Variants in ST3GAL1 observed in about 807,000 individuals in gnomAD.
ST3GAL1 encodes ST3 beta-galactoside alpha-2,3-sialyltransferase 1.
In ST3GAL1, 16 loss-of-function variants were observed where a neutral mutation model predicts 34.1. The observed-to-expected ratio is 0.47, with a 90% CI of 0.32 to 0.71. The LOEUF is 0.71. Ranked by LOEUF, ST3GAL1 falls within the 30% of genes least tolerant of loss-of-function variation. ST3GAL1 has a pLI of 0.04. For synonymous variants in ST3GAL1, 191 were observed against 184.7 expected, an observed-to-expected ratio of 1.03 and a Z score of -0.28; for missense variants, 353 against 447.4, an observed-to-expected ratio of 0.79 and a Z score of 1.90.
At chr8:133,528,002 C>T (rs796395234) in intron 2 of ST3GAL1, among the ~76,000 whole-genome samples, 207 of 141,788 alleles carry the variant, frequency 1.5e-3, no homozygotes, top group African/African-American at 5.1e-3. Context: ...GAAACCTCAT[C>T]TCTACTGAAA....
In ST3GAL1 at chr8:133,473,255, T is replaced by A. The variant is rs566307609; in HGVS notation, c.306+2464A>T. Among the ~76,000 whole-genome samples, 5 of 152,344 alleles carry A rather than the reference T, an allele frequency of 3.3e-5. No individual in the cohort carries two copies. The South Asian group carries it at 1.0e-3, about 32-fold the overall frequency. On this transcript the variant is annotated intron_variant, in intron 5 of 9. Coordinates refer to ENST00000522652, the MANE Select transcript of ST3GAL1 (RefSeq NM_173344.3). ...AGAAAGATCGATACTGTCTTGGTGATACTCTCTAATAACAGTTTTTAATAC... is the reference window on the plus strand; with the variant it reads ...AGAAAGATCGATACTGTCTTGGTGAAACTCTCTAATAACAGTTTTTAATAC...
intron 2 of ST3GAL1, among the ~76,000 whole-genome samples, chr8:133,524,967 C>T (rs1817922315): frequency 6.6e-6 from 1 of 152,272 alleles, no homozygotes; most frequent in African/African-American, 2.4e-5. Context: ...CACAGCTCTT[C>T]TCTCCTTCTT....
chr8:133,529,299 C>T (rs2945779), intron 2 of ST3GAL1, among the ~76,000 whole-genome samples: 55,702 of 152,138 alleles, frequency 0.37, 10,611 homozygotes, highest in Middle Eastern at 0.48. Context: ...AGACAGAAAG[C>T]GGGCCAGAGA....
Position 133,459,848 on chromosome 8 carries a change from C to G in ST3GAL1, c.939G>C (p.Thr313=). The G allele has an allele frequency of 6.2e-7, 1 of 1,614,146 alleles. No homozygotes were observed. Among genetic ancestry groups the G allele is most frequent in the Non-Finnish European group, 8.5e-7 (1 of 1,180,012 alleles). The part of the protein sequence containing the change: ...NNPSAGAFRK[T]GVHDADFESN... ...ACTCAAAGTCTGCATCGTGCACCCC[C>G]GTCTTGCGAAAAGCCCCCGCGGATG... is the stretch of plus-strand genomic sequence containing the variant. Residue 313 remains threonine, a synonymous_variant, in exon 10 of 10, where the codon ACG becomes ACC. Coordinates refer to ENST00000522652, the MANE Select transcript of ST3GAL1 (RefSeq NM_173344.3). The surrounding 1 kb of genome is among the most constrained non-coding windows in gnomAD (Gnocchi z 4.7).
chr8:133,530,010 C>T (rs945821356), intron 2 of ST3GAL1, among the ~76,000 whole-genome samples: 41 of 152,206 alleles, frequency 2.7e-4, no homozygotes, highest in African/African-American at 9.9e-4. Context: ...TAGAAGTCTC[C>T]TTGACTGAAC....
In ST3GAL1 at chr8:133,571,052, C is replaced by T. The variant is rs1819552326; in HGVS notation, c.-582+641G>A. Among the ~76,000 whole-genome samples, 1 of 152,346 alleles carries T rather than the reference C, an allele frequency of 6.6e-6. No individual in the cohort carries two copies. On this transcript the variant is annotated intron_variant, in intron 1 of 9. Coordinates refer to ENST00000522652, the MANE Select transcript of ST3GAL1 (RefSeq NM_173344.3). The surrounding 1 kb of genome is among the most constrained non-coding windows in gnomAD (Gnocchi z 6.7). ...CTCTTGTCCCGGGTGTCAACTTCAC[C>T]CCCAGATCCGGAGCAGCGCGCTCTG...
chr8:133,544,075 GTC>G (rs1313070883), intron 2 of ST3GAL1: 1 of 152,224 alleles, frequency 6.6e-6, no homozygotes, highest in African/African-American at 2.4e-5. Context: ...CATCAGTGGA[GTC>G]TCTGCTTTGT....
At chr8:133,515,151 C>T (rs1191509688) in intron 2 of ST3GAL1, among the ~76,000 whole-genome samples, 7 of 152,198 alleles carry the variant, frequency 4.6e-5, no homozygotes, top group South Asian at 2.1e-4. Context: ...GGCCTGCCTC[C>T]GAGGACGAGG....
chr8:133,464,089 G>A (rs966096345), intron 7 of ST3GAL1, among the ~76,000 whole-genome samples: 1 of 152,148 alleles, frequency 6.6e-6, no homozygotes, highest in Non-Finnish European at 1.5e-5. Context: ...GACAGCTTGT[G>A]GAAACCTGGA....
intron 2 of ST3GAL1, among the ~76,000 whole-genome samples, chr8:133,515,931 C>A (rs1817632997): frequency 6.6e-6 from 1 of 152,130 alleles, no homozygotes; most frequent in Non-Finnish European, 1.5e-5. Flanking sequence ...TCTCGGCTCA[C>A]TGCAACCTCC....
intron 3 of ST3GAL1, among the ~76,000 whole-genome samples, chr8:133,480,722 C>T (rs1489915606): frequency 6.6e-6 from 1 of 150,874 alleles, no homozygotes; most frequent in East Asian, 1.9e-4. Context: ...CTCCTGCCTT[C>T]TCCTGTGGCT....
At chr8:133,526,281 A>ATTATTCT (rs1817972962) in intron 2 of ST3GAL1, among the ~76,000 whole-genome samples, 1 of 152,142 alleles carries the variant, frequency 6.6e-6, no homozygotes, top group Non-Finnish European at 1.5e-5. Context: ...ACCCTCTGCT[A>ATTATTCT]TTATTCTACC....
At chr8:133,524,800 C>A (rs1586640770) in intron 2 of ST3GAL1, among the ~76,000 whole-genome samples, 1 of 152,252 alleles carries the variant, frequency 6.6e-6, no homozygotes, top group African/African-American at 2.4e-5. Flanking sequence ...GATGAAGAAG[C>A]AAGACAGCTG....
At chr8:133,532,127 AT>A (rs1336326024) in intron 2 of ST3GAL1, among the ~76,000 whole-genome samples, 1 of 152,088 alleles carries the variant, frequency 6.6e-6, no homozygotes, top group Non-Finnish European at 1.5e-5. Flanking sequence ...CACTCTTCTA[AT>A]TTTGTTGTTG....
intron 3 of ST3GAL1, among the ~76,000 whole-genome samples, chr8:133,495,317 T>C (rs902199029): frequency 6.6e-6 from 1 of 152,168 alleles, no homozygotes; most frequent in African/African-American, 2.4e-5. Context: ...ACTCAAGGGC[T>C]TTCTTAGTTC....
In ST3GAL1 at chr8:133,469,444, C is replaced by T. The variant is rs954917531; in HGVS notation, c.307-3354G>A. 6.6e-6 allele frequency among the ~76,000 whole-genome samples: 1 copy of T among 152,064 alleles called. No homozygotes were observed. Among genetic ancestry groups the T allele is most frequent in the African/African-American group, 2.4e-5 (1 of 41,410 alleles). On this transcript the variant is annotated intron_variant, in intron 5 of 9. Transcript: ENST00000522652. The surrounding 1 kb of genome is among the most constrained non-coding windows in gnomAD (Gnocchi z 4.3). ...ATGTTGGCCAGGCTGGTCTCGAACT[C>T]CTGACCTCAGGTGATGAACCCGCCT...
intron 2 of ST3GAL1, chr8:133,516,389 T>A (rs954709443): frequency 6.6e-6 from 1 of 152,164 alleles, no homozygotes; most frequent in Non-Finnish European, 1.5e-5. Context: ...GTGAGCCAAA[T>A]AAACTTCACT....
Position 133,470,148 on chromosome 8 carries a change from G to A in ST3GAL1, c.307-4058C>T, listed in dbSNP as rs566731992. Among the ~76,000 whole-genome samples the A allele has an allele frequency of 6.6e-5, 10 of 152,284 alleles. No individual in the cohort carries two copies. The South Asian group carries it at 1.0e-3, about 16-fold the overall frequency. On this transcript the variant is annotated intron_variant, in intron 5 of 9. Coordinates refer to ENST00000522652, the MANE Select transcript of ST3GAL1 (RefSeq NM_173344.3). Reference sequence around the variant, plus strand: ...AAGAACAACAGTGCTGGCCAGGTGCGGTGGCTCACGCCTGTAATCCCAACA... The same window carrying A: ...AAGAACAACAGTGCTGGCCAGGTGCAGTGGCTCACGCCTGTAATCCCAACA...
intron 2 of ST3GAL1, among the ~76,000 whole-genome samples, chr8:133,505,354 A>G (rs1395686102): frequency 6.6e-6 from 1 of 152,116 alleles, no homozygotes; most frequent in Non-Finnish European, 1.5e-5. Context: ...ATAATAAAAG[A>G]TTGTGGTTCC....
Sources: allele counts gnomAD v4.1 joint callset (sites outside exome capture counted in the v4.1 genomes callset), GRCh38; gene constraint gnomAD v4.1.1; non-coding constraint Gnocchi (gnomAD v3.1); transcripts MANE v1.5; gene names NCBI Gene and HGNC (gene_info 2026-07-23, HGNC 2026-07-21).